The following SPPL2B variants were observed in gnomAD, a reference collection of about 807,000 sequenced individuals.
SPPL2B encodes signal peptide peptidase like 2B.
A neutral mutation model predicts 59.7 loss-of-function variants in SPPL2B; 39 were observed. That is an observed-to-expected ratio of 0.65 (90% CI 0.51 to 0.85). The LOEUF (loss-of-function observed/expected upper bound fraction) is 0.85. SPPL2B is among the 40% of genes least tolerant of loss of function. The pLI is 0.00. For synonymous variants in SPPL2B, 419 were observed against 370.8 expected, an observed-to-expected ratio of 1.13 and a Z score of -1.49; for missense variants, 865 against 849.0, an observed-to-expected ratio of 1.02 and a Z score of -0.23.
In SPPL2B at chr19:2,332,590, G is replaced by C. The variant is rs1465752589; in HGVS notation, c.67-2012G>C. Among the ~76,000 whole-genome samples, 1 of 152,198 alleles carries C rather than the reference G, an allele frequency of 6.6e-6. No homozygotes were observed. Among genetic ancestry groups the C allele is most frequent in the Non-Finnish European group, 1.5e-5 (1 of 68,024 alleles). On this transcript the variant is annotated intron_variant, in intron 1 of 14. Transcript: ENST00000613503. This position sits in a 1 kb window ranked among gnomAD's most constrained non-coding sequence, Gnocchi z 4.6. ...TGACAGGTCCCCTGGGGACCAGGGG[G>C]TGCGGCTGTCTCTCTGTCTGGGAGG...
intron 13 of SPPL2B, among the ~76,000 whole-genome samples, chr19:2,347,968 G>C (rs74176384): frequency 9.5e-5 from 2 of 21,014 alleles, no homozygotes; most frequent in East Asian, 1.5e-3. Flanking sequence ...CGCTTGATGC[G>C]GTTCTCTCTC....
intron 13 of SPPL2B, among the ~76,000 whole-genome samples, chr19:2,347,111 C>T (rs921539765): frequency 5.9e-5 from 9 of 152,262 alleles, no homozygotes; most frequent in South Asian, 4.1e-4. Context: ...CGCTTGATTC[C>T]GTTCTCTCTC....
intron 4 of SPPL2B, 46 bp from the exon 5 acceptor site, chr19:2,339,023 T>C (rs1968837737): frequency 6.5e-7 from 1 of 1,533,758 alleles, no homozygotes; most frequent in South Asian, 1.2e-5. Context: ...GACCCATGGC[T>C]GGCGGGTGGC....
At chr19:2,348,087 C>T (rs1969576796) in intron 13 of SPPL2B, among the ~76,000 whole-genome samples, 2 of 74,846 alleles carry the variant, frequency 2.7e-5, no homozygotes, top group Admixed American at 2.6e-4. Flanking sequence ...CACACACACT[C>T]ATGCGCTGTC....
intron 13 of SPPL2B, 114 bp downstream of exon 13, chr19:2,345,444 A>T: frequency 1.2e-6 from 1 of 852,336 alleles, no homozygotes; most frequent in South Asian, 1.5e-5. Flanking sequence ...CCTAATTCCA[A>T]CTCTAACACC....
In SPPL2B at chr19:2,339,943, TCTA is replaced by T; in HGVS notation, c.723_725del (p.Tyr242del). 1 of 1,557,144 alleles carries T rather than the reference TCTA, an allele frequency of 6.4e-7. No individual in the cohort carries two copies. The highest frequency in any genetic ancestry group is 8.7e-7 in the Non-Finnish European group (1 of 1,150,012). ...ATGTGCTGCTCCATGCTGGTGCTGC[TCTA>T]CTATTTCTACGATCTCCTCGGTGCG... On this transcript the variant is annotated inframe_deletion, in exon 6 of 15. Coordinates refer to ENST00000613503, the MANE Select transcript of SPPL2B (RefSeq NM_152988.3).
rs184805207 is a variant in SPPL2B, at chr19:2,345,938, T to A, written c.1354+608T>A. Among the ~76,000 whole-genome samples, 323 of 152,158 alleles carry A rather than the reference T, an allele frequency of 2.1e-3. 4 individuals carry two copies. The highest frequency in any genetic ancestry group is 6.8e-3 in the African/African-American group (284 of 41,506). On this transcript the variant is annotated intron_variant, in intron 13 of 14. Transcript: ENST00000613503. The stretch of plus-strand genomic sequence containing the variant: ...TGGTCTTTCTCATTCTCCCTGGGCC[T>A]GTGCCTCCGTCCCCGTCTTTCTCAT...
chr19:2,334,745 C>G, intron 2 of SPPL2B, 24 bp downstream of exon 2: 1 of 1,536,272 alleles, frequency 6.5e-7, no homozygotes, highest in Non-Finnish European at 8.8e-7. Context: ...GGCCGGGCGC[C>G]GCTGCGGAGG....
At position 2,343,209 on chromosome 19, in the gene SPPL2B, A is replaced by C. The variant is rs1411300866; in HGVS notation, c.957-2A>C. On this transcript the variant is annotated splice_acceptor_variant, in intron 8 of 14. Coordinates refer to ENST00000613503, the MANE Select transcript of SPPL2B (RefSeq NM_152988.3). LOFTEE classifies it high-confidence loss of function. ...CGGCGAGGATGCTGCTTTGTCTTGC[A>C]GGTGGGCCTGGGTCCTCCAGGATGC... 6.4e-7 allele frequency: 1 copy of C among 1,553,496 alleles called. No homozygotes were observed. Among genetic ancestry groups the C allele is most frequent in the Non-Finnish European group, 8.7e-7 (1 of 1,148,238 alleles).
intron 10 of SPPL2B, 35 bp downstream of exon 10, chr19:2,344,074 C>G (rs1225785798): frequency 2.8e-5 from 40 of 1,430,848 alleles, no homozygotes; most frequent in Non-Finnish European, 3.7e-5. Flanking sequence ...CACCCCATCA[C>G]CCCGCTCCCC....
chr19:2,353,441 A>G lies in SPPL2B; in HGVS notation c.*232A>G, dbSNP rs573995065. The G allele has an allele frequency of 3.4e-4, 196 of 568,306 alleles. No individual in the cohort carries two copies. Among genetic ancestry groups the G allele is most frequent in the Non-Finnish European group, 5.0e-4 (162 of 326,590 alleles). The allele number at this position is 568,306 out of a possible 1,614,324, so 35.2% of individuals were successfully genotyped here. A position where few individuals can be genotyped will look rare whatever the true frequency, so the allele number is the denominator to read the frequency against. ...GCTCCCAGCTCGCCCGGCTGCCACA[A>G]GCTCTCTGCGGGTCCATCCTCCCCA... is the stretch of plus-strand genomic sequence containing the variant. On this transcript the variant is annotated 3_prime_UTR_variant, in exon 15 of 15. Transcript: ENST00000613503.
At chr19:2,347,876 C>G (rs1599244906) in intron 13 of SPPL2B, among the ~76,000 whole-genome samples, 1 of 29,638 alleles carries the variant, frequency 3.4e-5, no homozygotes, top group Non-Finnish European at 7.5e-5. Flanking sequence ...CGCCTGATTC[C>G]GTTCTCTCTC....
Position 2,339,984 on chromosome 19 carries a change from G to T in SPPL2B, c.742+18G>T. The T allele has an allele frequency of 1.9e-6, 3 of 1,552,114 alleles. No homozygotes were observed. The highest frequency in any genetic ancestry group is 2.6e-6 in the Non-Finnish European group (3 of 1,147,076). On this transcript the variant is annotated intron_variant, in intron 6 of 14. Coordinates refer to ENST00000613503, the MANE Select transcript of SPPL2B (RefSeq NM_152988.3). ...TCTCCTCGGTGCGCGGCCCCGGGCG[G>T]GTGGGCCGCGGCGTGGAGATGCAGC... is the stretch of plus-strand genomic sequence containing the variant.
chr19:2,348,759 ACACT>A (rs200794964), intron 13 of SPPL2B, among the ~76,000 whole-genome samples: 2 of 144,178 alleles, frequency 1.4e-5, no homozygotes, highest in Admixed American at 1.4e-4. Context: ...CTCTCCACAC[ACACT>A]CACGCGCTCT....
At chr19:2,337,766 T>C (rs1968741402) in intron 3 of SPPL2B, 141 bp downstream of exon 3, 2 of 865,674 alleles carry the variant, frequency 2.3e-6, no homozygotes, top group Admixed American at 6.6e-5. Context: ...CTGGGCCGAG[T>C]GTGAACATGG....
At position 2,354,785 on chromosome 19, in the gene SPPL2B, AAC is replaced by A. The variant is rs1228394392; in HGVS notation, c.*1580_*1581del. 1.3e-5 allele frequency: 2 copies of A among 152,358 alleles called. No individual in the cohort carries two copies. Among genetic ancestry groups the A allele is most frequent in the African/African-American group, 4.8e-5 (2 of 41,428 alleles). 9.4% of individuals were successfully genotyped at this position (152,358 alleles called of 1,614,324 possible). ...TTGCTGCCATTCCGTCTGATCATTAAACACAGCTTTTGATACATATGGCCCGG... is the reference window on the plus strand; with the variant it reads ...TTGCTGCCATTCCGTCTGATCATTAAACAGCTTTTGATACATATGGCCCGG... On this transcript the variant is annotated 3_prime_UTR_variant, in exon 15 of 15. Transcript: ENST00000613503.
At chr19:2,331,115 C>G (rs1968265291) in intron 1 of SPPL2B, among the ~76,000 whole-genome samples, 2 of 152,192 alleles carry the variant, frequency 1.3e-5, no homozygotes, top group South Asian at 2.1e-4. Context: ...CCTCCCTTCC[C>G]CCACCCCACG....
chr19:2,353,315 C>G lies in SPPL2B; in HGVS notation c.*106C>G, dbSNP rs997018448. On this transcript the variant is annotated 3_prime_UTR_variant, in exon 15 of 15. Coordinates refer to ENST00000613503, the MANE Select transcript of SPPL2B (RefSeq NM_152988.3). The stretch of plus-strand genomic sequence containing the variant: ...AGACGCCTGTCCCCCGGGACCGAGG[C>G]CTGTGCCGTCCCCACCCGCCCCAAC... 1.5e-6 allele frequency: 2 copies of G among 1,330,800 alleles called. No individual in the cohort carries two copies. Among genetic ancestry groups the G allele is most frequent in the African/African-American group, 3.0e-5 (2 of 67,696 alleles). The allele number at this position is 1,330,800 out of a possible 1,614,324, so 82.4% of individuals were successfully genotyped here. A position where few individuals can be genotyped will look rare whatever the true frequency, so the allele number is the denominator to read the frequency against.
At chr19:2,336,894 TGTGG>T (rs368872333) in intron 2 of SPPL2B, among the ~76,000 whole-genome samples, 6 of 112,448 alleles carry the variant, frequency 5.3e-5, no homozygotes, top group Non-Finnish European at 1.3e-4. Flanking sequence ...CTGGTCTGGC[TGTGG>T]GTGTGTGTGT....
Sources: gnomAD v4.1 joint callset for allele counts (sites outside exome capture counted in the v4.1 genomes callset) on GRCh38, gnomAD v4.1.1 for gene constraint, Gnocchi (gnomAD v3.1) non-coding constraint, MANE v1.5 for transcripts, NCBI Gene and HGNC (gene_info 2026-07-23, HGNC 2026-07-21) for gene names.